The following SHISA9 variants were observed in gnomAD, a reference collection of about 807,000 sequenced individuals.
SHISA9 encodes the protein protein shisa-9.
SHISA9 carries 13 observed loss-of-function variants against 38.0 expected under a neutral mutation model. The observed-to-expected ratio is 0.34, with a 90% CI of 0.22 to 0.54. The LOEUF (loss-of-function observed/expected upper bound fraction) is 0.54. Among genes scored for constraint, SHISA9 ranks in the 20% least tolerant of loss-of-function variants. The probability of loss-of-function intolerance (pLI) is 0.91; values close to 1 mark genes in which losing one functional copy is unlikely to be tolerated. For synonymous variants in SHISA9, 275 were observed against 242.0 expected (o/e 1.14, Z -1.27); for missense variants, 538 against 575.8 (o/e 0.93, Z 0.67).
chr16:13,471,141 T>C, the SHISA9 span, among the ~76,000 whole-genome samples: 1 of 152,006 alleles, frequency 6.6e-6, no homozygotes, highest in African/African-American at 2.4e-5. Flanking sequence ...TCACATATCT[T>C]ATTGTTTGTT....
the SHISA9 span, among the ~76,000 whole-genome samples, chr16:13,451,903 G>A: frequency 5.2e-4 from 79 of 152,250 alleles, no homozygotes; most frequent in African/African-American, 1.8e-3. Flanking sequence ...TCAGGGCTTC[G>A]GATTCAAATT....
the SHISA9 span, among the ~76,000 whole-genome samples, chr16:13,360,920 A>C: frequency 6.6e-6 from 1 of 152,152 alleles, no homozygotes; most frequent in East Asian, 1.9e-4. Flanking sequence ...AACAAGCTCC[A>C]TAATGTCCCC....
chr16:13,467,221 C>T, the SHISA9 span, among the ~76,000 whole-genome samples: 2 of 152,018 alleles, frequency 1.3e-5, no homozygotes, highest in African/African-American at 2.4e-5. Context: ...GAGGAAGACT[C>T]GCCTTCTATG....
intron 2 of SHISA9, among the ~76,000 whole-genome samples, chr16:12,933,546 G>C (rs2071488872): frequency 6.6e-6 from 1 of 152,098 alleles, no homozygotes; most frequent in African/African-American, 2.4e-5. Flanking sequence ...GCCCTCCTTG[G>C]CCTCCCAAAG....
chr16:13,289,033 T>G, the SHISA9 span, among the ~76,000 whole-genome samples: 1 of 152,224 alleles, frequency 6.6e-6, no homozygotes, highest in East Asian at 1.9e-4. Context: ...CCTAAGCCAA[T>G]GAAAACCTGT....
chr16:13,416,615 G>A, the SHISA9 span, among the ~76,000 whole-genome samples: 1 of 152,140 alleles, frequency 6.6e-6, no homozygotes, highest in Admixed American at 6.6e-5. Context: ...GAGAAGCTAA[G>A]GCAGGAGGAT....
At chr16:13,199,964 G>A (rs182821848) in intron 2 of SHISA9, among the ~76,000 whole-genome samples, 1 of 152,240 alleles carries the variant, frequency 6.6e-6, no homozygotes, top group East Asian at 1.9e-4. Context: ...CTGTGAACAT[G>A]GGAAGTTGCC....
intron 4 of SHISA9, among the ~76,000 whole-genome samples, chr16:13,230,346 G>A (rs4780511): frequency 0.18 from 27,009 of 152,182 alleles, 2,715 homozygotes; most frequent in Admixed American, 0.31. Context: ...AAGGAGGCCA[G>A]TTTGGTTACT....
intron 2 of SHISA9, among the ~76,000 whole-genome samples, chr16:13,055,345 C>CT (rs1180579341): frequency 6.6e-6 from 1 of 152,182 alleles, no homozygotes; most frequent in African/African-American, 2.4e-5. Context: ...TTTTGTGTCT[C>CT]TTTTAGGCTC....
At chr16:13,470,784 A>G in the SHISA9 span, among the ~76,000 whole-genome samples, 7 of 152,136 alleles carry the variant, frequency 4.6e-5, no homozygotes, top group Admixed American at 3.3e-4. Flanking sequence ...AATATTTTCC[A>G]CATTTATTTT....
the SHISA9 span, among the ~76,000 whole-genome samples, chr16:13,388,503 G>A: frequency 1.3e-5 from 2 of 151,844 alleles, no homozygotes; most frequent in Non-Finnish European, 2.9e-5. Flanking sequence ...GTAGAGACAG[G>A]TTTTCACCAT....
intron 2 of SHISA9, among the ~76,000 whole-genome samples, chr16:12,956,842 A>AC (rs893093469): frequency 6.6e-6 from 1 of 151,470 alleles, no homozygotes; most frequent in African/African-American, 2.4e-5. Flanking sequence ...ATACCTATAT[A>AC]CCCCCCAAAT....
chr16:13,126,901 A>G (rs975516482), intron 2 of SHISA9, among the ~76,000 whole-genome samples: 3 of 62,692 alleles, frequency 4.8e-5, no homozygotes, highest in African/African-American at 1.9e-4. Context: ...AGACTGAAAG[A>G]AGGAGAGAGA....
chr16:13,173,710 C>G (rs753202237), intron 2 of SHISA9, among the ~76,000 whole-genome samples: 4 of 152,110 alleles, frequency 2.6e-5, no homozygotes, highest in Non-Finnish European at 5.9e-5. Flanking sequence ...TGAGTTTTCC[C>G]AAGATGTCAA....
At chr16:13,277,631 G>A in the SHISA9 span, among the ~76,000 whole-genome samples, 1 of 151,408 alleles carries the variant, frequency 6.6e-6, no homozygotes, top group Non-Finnish European at 1.5e-5. Context: ...AGAGGTTTTC[G>A]GACTCCTTGT....
At chr16:13,172,452 C>T (rs1438701) in intron 2 of SHISA9, among the ~76,000 whole-genome samples, 20,119 of 152,170 alleles carry the variant, frequency 0.13, 1,349 homozygotes, top group Middle Eastern at 0.21. Flanking sequence ...AGTCATTAGT[C>T]GTAGCATATA....
the SHISA9 span, among the ~76,000 whole-genome samples, chr16:13,484,372 A>G: frequency 5.9e-5 from 9 of 152,254 alleles, no homozygotes; most frequent in African/African-American, 1.7e-4. Context: ...CATCAGCACA[A>G]TGGGCATAAG....
chr16:13,232,719 A>G (rs925031435), intron 4 of SHISA9, among the ~76,000 whole-genome samples: 36 of 152,226 alleles, frequency 2.4e-4, no homozygotes, highest in African/African-American at 8.0e-4. Context: ...CTTCAAGGCT[A>G]TAGGTAAATG....
intron 2 of SHISA9, among the ~76,000 whole-genome samples, chr16:13,173,403 C>T (rs1273824611): frequency 6.6e-6 from 1 of 151,834 alleles, no homozygotes; most frequent in South Asian, 2.1e-4. Flanking sequence ...CACACACACA[C>T]ACACACATTT....
Sources: gnomAD v4.1 joint callset for allele counts (sites outside exome capture counted in the v4.1 genomes callset) on GRCh38, gnomAD v4.1.1 for gene constraint, MANE v1.5 for transcripts, NCBI Gene and HGNC (gene_info 2026-07-23, HGNC 2026-07-21) for gene names.